RBFOX1: variants seen among roughly 807,000 people sequenced by gnomAD.
RBFOX1 encodes RNA binding fox-1 homolog 1, also known as RNA binding protein fox-1 homolog 1.
In RBFOX1, 8 loss-of-function variants were observed where a neutral mutation model predicts 57.7. The observed-to-expected ratio is 0.14, with a 90% CI of 0.08 to 0.25. RBFOX1 has a LOEUF of 0.25. Among genes scored for constraint, RBFOX1 ranks in the 10% least tolerant of loss-of-function variants. The pLI is 1.00. For missense variants in RBFOX1, 611 were observed against 548.5 expected, an observed-to-expected ratio of 1.11 and a Z score of -1.14; for synonymous variants, 326 against 222.4, an observed-to-expected ratio of 1.47 and a Z score of -4.15.
intron 3 of RBFOX1, among the ~76,000 whole-genome samples, chr16:6,931,421 A>G (rs1017951197): frequency 1.3e-5 from 2 of 152,072 alleles, no homozygotes; most frequent in Non-Finnish European, 1.5e-5. Context: ...GAACCACTAA[A>G]GGCATAATAA....
At chr16:5,431,289 A>C (rs1175140909) in intron 1 of RBFOX1, among the ~76,000 whole-genome samples, 1 of 152,220 alleles carries the variant, frequency 6.6e-6, no homozygotes, top group Non-Finnish European at 1.5e-5. Flanking sequence ...TGAAAAATCC[A>C]GTGTCTATTT....
intron 2 of RBFOX1, among the ~76,000 whole-genome samples, chr16:6,557,036 C>CAT (rs533242041): frequency 8.9e-5 from 11 of 123,736 alleles, no homozygotes; most frequent in African/African-American, 1.3e-4. Context: ...CATATATACA[C>CAT]ATATATATAC....
intron 2 of RBFOX1, among the ~76,000 whole-genome samples, chr16:6,499,817 G>A (rs902781084): frequency 4.6e-5 from 7 of 152,004 alleles, no homozygotes; most frequent in African/African-American, 1.5e-4. Context: ...GGGCATTCGC[G>A]GGTAATCGAT....
At chr16:6,036,572 TG>T (rs2095368191) in intron 1 of RBFOX1, among the ~76,000 whole-genome samples, 1 of 151,338 alleles carries the variant, frequency 6.6e-6, no homozygotes, top group African/African-American at 2.4e-5. Flanking sequence ...AAAATAATCT[TG>T]GAAAGAAAAG....
At chr16:7,137,387 C>A (rs1005548412) in intron 4 of RBFOX1, among the ~76,000 whole-genome samples, 1 of 152,084 alleles carries the variant, frequency 6.6e-6, no homozygotes, top group African/African-American at 2.4e-5. Flanking sequence ...GGGGTAGTTT[C>A]CCCCATACTG....
At chr16:6,002,835 G>T (rs1044616302) in intron 4 of RBFOX1, among the ~76,000 whole-genome samples, 1 of 151,788 alleles carries the variant, frequency 6.6e-6, no homozygotes, top group Admixed American at 6.6e-5. Flanking sequence ...AGCGTGGTTT[G>T]TGGACTCCCA....
intron 4 of RBFOX1, among the ~76,000 whole-genome samples, chr16:7,138,584 C>A (rs573209661): frequency 7.2e-5 from 11 of 152,154 alleles, no homozygotes; most frequent in African/African-American, 2.7e-4. Flanking sequence ...CCCCACTTTT[C>A]CTTCATGGCC....
At chr16:6,607,104 C>CTAA (rs2097943695) in intron 2 of RBFOX1, among the ~76,000 whole-genome samples, 1 of 152,168 alleles carries the variant, frequency 6.6e-6, no homozygotes, top group Admixed American at 6.5e-5. Flanking sequence ...AACCTACTGA[C>CTAA]TAATAGTCCC....
chr16:5,945,621 G>A (rs1216681374), intron 4 of RBFOX1, among the ~76,000 whole-genome samples: 1 of 115,788 alleles, frequency 8.6e-6, no homozygotes, highest in Non-Finnish European at 1.6e-5. Context: ...TAGGTTCACA[G>A]AGCCAGGGCC....
At chr16:7,292,558 A>G (rs1603524305) in intron 4 of RBFOX1, among the ~76,000 whole-genome samples, 2 of 148,776 alleles carry the variant, frequency 1.3e-5, no homozygotes, top group Non-Finnish European at 3.0e-5. Context: ...ACACACAAAT[A>G]TATAACAGAA....
intron 4 of RBFOX1, among the ~76,000 whole-genome samples, chr16:7,341,693 A>ACCTT (rs777842492): frequency 0.016 from 2,253 of 144,686 alleles, 34 homozygotes; most frequent in Middle Eastern, 0.034. Context: ...CAATGGTCCT[A>ACCTT]CCTTCCTTCC....
chr16:7,249,051 G>A (rs917442409), intron 4 of RBFOX1, among the ~76,000 whole-genome samples: 1 of 151,990 alleles, frequency 6.6e-6, no homozygotes, highest in Non-Finnish European at 1.5e-5. Context: ...AATAGAGGGA[G>A]GGAAAAGTAG....
At chr16:6,456,712 C>G (rs1026363182) in intron 2 of RBFOX1, among the ~76,000 whole-genome samples, 2 of 152,084 alleles carry the variant, frequency 1.3e-5, no homozygotes, top group African/African-American at 4.8e-5. Flanking sequence ...GGAATAATGG[C>G]TATGGGAATG....
chr16:6,097,914 A>G lies in RBFOX1; in HGVS notation c.-127+77922A>G, dbSNP rs1418980167. On this transcript the variant is annotated intron_variant, in intron 1 of 15. Transcript: ENST00000550418. The surrounding 1 kb of genome is among the most constrained non-coding windows in gnomAD (Gnocchi z 5.0). ...TTTGCCATTGCTGGAATATTTAGCAAGCATCAATGAGTCCTGGAGGGCTTT... is the reference window on the plus strand; with the variant it reads ...TTTGCCATTGCTGGAATATTTAGCAGGCATCAATGAGTCCTGGAGGGCTTT... Among the ~76,000 whole-genome samples, 8 of 152,158 alleles carry G rather than the reference A, an allele frequency of 5.3e-5. No homozygotes were observed. The highest frequency in any genetic ancestry group is 1.2e-4 in the Non-Finnish European group (8 of 68,028).
intron 2 of RBFOX1, among the ~76,000 whole-genome samples, chr16:6,487,076 G>T (rs914299455): frequency 6.6e-6 from 1 of 151,834 alleles, no homozygotes; most frequent in African/African-American, 2.4e-5. Flanking sequence ...AGTTTTCAGG[G>T]TGTGTTTTTA....
intron 2 of RBFOX1, among the ~76,000 whole-genome samples, chr16:6,578,136 A>G (rs572747996): frequency 6.6e-6 from 1 of 152,216 alleles, no homozygotes; most frequent in Non-Finnish European, 1.5e-5. Context: ...AAGTAAAACG[A>G]CCAGTTACCT....
chr16:6,826,094 T>C (rs546137019), intron 3 of RBFOX1, among the ~76,000 whole-genome samples: 2 of 152,152 alleles, frequency 1.3e-5, no homozygotes, highest in Non-Finnish European at 2.9e-5. Context: ...GGTCTCCCGC[T>C]AGCTGTTTAT....
chr16:7,046,787 A>T (rs9931919), intron 3 of RBFOX1, among the ~76,000 whole-genome samples: 65,949 of 151,364 alleles, frequency 0.44, 17,614 homozygotes, highest in South Asian at 0.62. Flanking sequence ...TGTATTTTTA[A>T]TAGAGACGGG....
At chr16:6,868,865 G>C (rs185827424) in intron 3 of RBFOX1, among the ~76,000 whole-genome samples, 6 of 152,302 alleles carry the variant, frequency 3.9e-5, no homozygotes, top group Admixed American at 2.6e-4. Flanking sequence ...GAAATATGCA[G>C]GGAGGTGATG....
Sources: allele counts gnomAD v4.1 joint callset (sites outside exome capture counted in the v4.1 genomes callset), GRCh38; gene constraint gnomAD v4.1.1; non-coding constraint Gnocchi (gnomAD v3.1); transcripts MANE v1.5; gene names NCBI Gene and HGNC (gene_info 2026-07-23, HGNC 2026-07-21).